HDAC9: variants seen among roughly 807,000 people sequenced by gnomAD.
HDAC9 encodes histone deacetylase 9.
HDAC9 carries 41 observed loss-of-function variants against 139.4 expected under a neutral mutation model. The ratio of observed to expected loss-of-function variants is 0.29; its 90% CI spans 0.23 to 0.38. The LOEUF (loss-of-function observed/expected upper bound fraction) is 0.38. Among genes scored for constraint, HDAC9 ranks in the 10% least tolerant of loss-of-function variants. The pLI is 1.00. For synonymous variants in HDAC9, 517 were observed against 476.2 expected, an observed-to-expected ratio of 1.09 and a Z score of -1.12; for missense variants, 1,147 against 1,297.0, an observed-to-expected ratio of 0.88 and a Z score of 1.78.
chr7:18,940,165 T>A (rs1033670745), intron 23 of HDAC9, among the ~76,000 whole-genome samples: 1 of 152,186 alleles, frequency 6.6e-6, no homozygotes, highest in African/African-American at 2.4e-5. Flanking sequence ...TAGCTGTGCA[T>A]CTGTGTAGAC....
chr7:18,477,766 T>G (rs1795228860), intron 1 of HDAC9, among the ~76,000 whole-genome samples: 1 of 152,152 alleles, frequency 6.6e-6, no homozygotes, highest in Non-Finnish European at 1.5e-5. Flanking sequence ...TTCATGAAAA[T>G]CAAGAGAACT....
intron 2 of HDAC9, among the ~76,000 whole-genome samples, chr7:18,534,478 T>A (rs1810187166): frequency 1.3e-5 from 2 of 152,054 alleles, no homozygotes; most frequent in Admixed American, 1.3e-4. Flanking sequence ...GCCTTAGAGG[T>A]CAAGGCTGAA....
chr7:18,474,103 A>T (rs958530756), intron 1 of HDAC9, among the ~76,000 whole-genome samples: 1 of 152,218 alleles, frequency 6.6e-6, no homozygotes, highest in African/African-American at 2.4e-5. Context: ...TTTCCGTCCA[A>T]TGCTGATTGT....
intron 2 of HDAC9, among the ~76,000 whole-genome samples, chr7:18,564,483 A>G (rs192408143): frequency 1.6e-4 from 24 of 152,276 alleles, no homozygotes; most frequent in African/African-American, 5.8e-4. Context: ...TATCTATTCT[A>G]TTTGCATACT....
chr7:18,896,861 T>C (rs953245623), intron 22 of HDAC9, among the ~76,000 whole-genome samples: 1 of 152,042 alleles, frequency 6.6e-6, no homozygotes, highest in African/African-American at 2.4e-5. Context: ...GTTGAAACTT[T>C]TACTACAATG....
intron 1 of HDAC9, among the ~76,000 whole-genome samples, chr7:18,343,675 G>A (rs985141809): frequency 1.3e-5 from 2 of 151,736 alleles, no homozygotes; most frequent in Non-Finnish European, 2.9e-5. Flanking sequence ...TTCTACCTTG[G>A]ATCTAACTAG....
At chr7:18,804,904 C>G (rs1336716645) in intron 17 of HDAC9, among the ~76,000 whole-genome samples, 1 of 152,188 alleles carries the variant, frequency 6.6e-6, no homozygotes, top group Non-Finnish European at 1.5e-5. Flanking sequence ...AAGTGATTCT[C>G]CAGCCTCAGC....
intron 1 of HDAC9, among the ~76,000 whole-genome samples, chr7:18,332,721 C>T (rs895219473): frequency 4.6e-5 from 7 of 151,566 alleles, no homozygotes; most frequent in Non-Finnish European, 1.0e-4. Context: ...TTGAAAAATA[C>T]TACATCTCAA....
intron 1 of HDAC9, among the ~76,000 whole-genome samples, chr7:18,291,015 T>G (rs1219669231): frequency 6.6e-6 from 1 of 152,190 alleles, no homozygotes; most frequent in East Asian, 1.9e-4. Context: ...AGATTTCCCA[T>G]GCATCTATCA....
intron 2 of HDAC9, chr7:18,162,377 A>ATT (rs772716929): frequency 6.6e-7 from 1 of 1,525,346 alleles, no homozygotes; most frequent in South Asian, 1.2e-5. Context: ...TTAAACTGTT[A>ATT]ATAGACTTCA....
Position 18,249,711 on chromosome 7 carries a change from G to C in HDAC9, c.25+87362G>C, listed in dbSNP as rs112023668. 9.4e-3 allele frequency among the ~76,000 whole-genome samples: 1,431 copies of C among 151,966 alleles called. 21 individuals are homozygous for C. Among genetic ancestry groups the C allele is most frequent in the African/African-American group, 0.033 (1,350 of 41,444 alleles). The stretch of plus-strand genomic sequence containing the variant: ...AAGGTATTTCCATTTTTTTCTGGGA[G>C]AGAACACCAATTAAATAGTTAGGTA... On this transcript the variant is annotated intron_variant, in intron 2 of 12. Transcript: ENST00000417496.
chr7:18,787,416 T>C (rs1455949188), intron 16 of HDAC9, among the ~76,000 whole-genome samples: 2 of 152,210 alleles, frequency 1.3e-5, no homozygotes, highest in Admixed American at 1.3e-4. Context: ...AACTTTGGGA[T>C]GCCTATTTCA....
At chr7:18,304,172 A>T (rs1404435769) in intron 1 of HDAC9, among the ~76,000 whole-genome samples, 1 of 152,242 alleles carries the variant, frequency 6.6e-6, no homozygotes, top group Admixed American at 6.5e-5. Context: ...TTAAAAGTTC[A>T]GCATTTAAAT....
intron 16 of HDAC9, among the ~76,000 whole-genome samples, chr7:18,786,585 G>GCTTCCTCCCTTC (rs1791778376): frequency 3.8e-5 from 2 of 53,230 alleles, no homozygotes; most frequent in African/African-American, 1.3e-4. Flanking sequence ...TGGCTGGCTG[G>GCTTCCTCCCTTC]CTTCCTTCCT....
At chr7:18,376,072 C>A (rs1784974606) in intron 1 of HDAC9, among the ~76,000 whole-genome samples, 1 of 152,002 alleles carries the variant, frequency 6.6e-6, no homozygotes, top group South Asian at 2.1e-4. Context: ...GCCAAGAGAT[C>A]TTTGTGACCC....
At chr7:18,788,251 T>A (rs1791990401) in intron 16 of HDAC9, among the ~76,000 whole-genome samples, 1 of 152,156 alleles carries the variant, frequency 6.6e-6, no homozygotes, top group African/African-American at 2.4e-5. Context: ...GTGGACTCCA[T>A]TTGGCTCCAC....
At chr7:18,616,548 A>G (rs1383243783) in intron 6 of HDAC9, among the ~76,000 whole-genome samples, 3 of 152,200 alleles carry the variant, frequency 2.0e-5, no homozygotes, top group Non-Finnish European at 4.4e-5. Flanking sequence ...TTATAAATAT[A>G]TATTATAAAG....
chr7:18,273,014 C>CTTCTTCTTCTTCTTCT (rs1276143784), intron 2 of HDAC9, among the ~76,000 whole-genome samples: 3 of 139,888 alleles, frequency 2.1e-5, no homozygotes, highest in African/African-American at 8.1e-5. Flanking sequence ...CTTCTTCTTC[C>CTTCTTCTTCTTCTTCT]TCCTCCTCCT....
chr7:18,857,748 G>A (rs1046790981), intron 21 of HDAC9, among the ~76,000 whole-genome samples: 4 of 152,010 alleles, frequency 2.6e-5, no homozygotes, highest in Non-Finnish European at 5.9e-5. Flanking sequence ...CACTGTAGAT[G>A]TTCAATGAAT....
Sources: gnomAD v4.1 joint callset for allele counts (sites outside exome capture counted in the v4.1 genomes callset) on GRCh38, gnomAD v4.1.1 for gene constraint, MANE v1.5 for transcripts, NCBI Gene and HGNC (gene_info 2026-07-23, HGNC 2026-07-21) for gene names.